MOB3C: variants seen among roughly 807,000 people sequenced by gnomAD.
MOB3C encodes MOB kinase activator 3C.
In MOB3C, 17 loss-of-function variants were observed where a neutral mutation model predicts 19.8. The observed-to-expected ratio is 0.86, with a 90% confidence interval of 0.59 to 1.29. The LOEUF is 1.29. Among genes scored for constraint, MOB3C ranks in the 50% most tolerant of loss-of-function variants. The pLI is 0.00. For missense variants in MOB3C, 291 were observed against 301.9 expected (o/e 0.96, Z 0.27); for synonymous variants, 101 against 119.2 (o/e 0.85, Z 0.99).
intron 1 of MOB3C, chr1:46,614,578 T>C: frequency 5.0e-6 from 1 of 200,486 alleles, no homozygotes; most frequent in Non-Finnish European, 1.0e-5. Flanking sequence ...TTCTGGTTCC[T>C]GGCTGACCTC....
chr1:46,615,170 T>C (rs1436177334), intron 1 of MOB3C: 2 of 953,246 alleles, frequency 2.1e-6, no homozygotes, highest in Non-Finnish European at 1.6e-6. Context: ...CCACATTGCA[T>C]GGCCCCCTTT....
Position 46,612,901 on chromosome 1 carries a change from C to T in MOB3C, c.418+3G>A. 2 of 1,544,294 alleles carry T rather than the reference C, an allele frequency of 1.3e-6. No homozygotes were observed. Among genetic ancestry groups the T allele is most frequent in the South Asian group, 2.5e-5 (2 of 79,726 alleles). ...GGCTCCCTCCCCGCCAGGTGACACT[C>T]ACCAACACGCGTGGGAAAGACCTCT... On this transcript the variant is annotated splice_donor_region_variant and intron_variant, in intron 2 of 3. Coordinates refer to ENST00000319928, the MANE Select transcript of MOB3C (RefSeq NM_201403.3).
At chr1:46,614,997 C>A in intron 1 of MOB3C, 1 of 1,612,504 alleles carries the variant, frequency 6.2e-7, no homozygotes, top group Non-Finnish European at 8.5e-7. Flanking sequence ...CTCATCCATC[C>A]CGACTCTTCG....
At position 46,613,171 on chromosome 1, in the gene MOB3C, G is replaced by A. The variant is rs776600787; in HGVS notation, c.151C>T (p.Pro51Ser). Reference sequence around the variant, plus strand: ...CAGTCGTCGATGTTCTCCCCGGGTGGTAGCCTCACCACACTGCGCAGGTCC... The same window carrying A: ...CAGTCGTCGATGTTCTCCCCGGGTGATAGCCTCACCACACTGCGCAGGTCC... ...GLDLRSVVRL[P>S]PGENIDDWIA... The change falls in exon 2 of 4, where the codon CCA becomes TCA. Residue 51 changes from proline to serine, a missense_variant. Pro to Ser is a moderately conservative substitution (Grantham distance 74, BLOSUM62 -1). Transcript: ENST00000319928. 4 of 1,614,150 alleles carry A rather than the reference G, an allele frequency of 2.5e-6. No homozygotes were observed. In the African/African-American group the frequency reaches 5.3e-5, roughly 22 times the overall value.
rs770285531 is a variant in MOB3C at position 46,615,081 on chromosome 1, C to T, written c.-51+1630G>A. The T allele has an allele frequency of 2.5e-6, 4 of 1,610,262 alleles. No individual in the cohort carries two copies. The South Asian group carries it at 3.3e-5, about 13-fold the overall frequency. ...AAAGAGATTTCTGCGCTTCATTTGC[C>T]ATCTCCATTTTAAACTCTGCTTGGG... is the stretch of plus-strand genomic sequence containing the variant. On this transcript the variant is annotated intron_variant, in intron 1 of 3. Transcript: ENST00000319928.
chr1:46,610,619 G>A (rs1675447892), intron 2 of MOB3C, among the ~76,000 whole-genome samples: 1 of 152,136 alleles, frequency 6.6e-6, no homozygotes. Flanking sequence ...CTGACCTCAG[G>A]TGATCCACCT....
rs745935936 is a variant in MOB3C, at chr1:46,610,134, G to C, written c.489C>G (p.Val163=). 6 of 1,614,216 alleles carry C rather than the reference G, an allele frequency of 3.7e-6. No homozygotes were observed. Among genetic ancestry groups the C allele is most frequent in the Middle Eastern group, 1.6e-4 (1 of 6,062 alleles). ...TATCGAAGTGGTGGATGTAGACATG[G>C]ACAAAGACTCGGAAGAGGCGGGTCA... ...KILTRLFRVF[V]HVYIHHFDSI... is the part of the protein sequence containing the mutation. Residue 163 remains valine, a synonymous_variant, in exon 3 of 4, where the codon GTC becomes GTG. Transcript: ENST00000319928.
rs867445391 is a variant in MOB3C, at chr1:46,613,086, G to A, written c.236C>T (p.Ala79Val). 1 of 1,614,204 alleles carries A rather than the reference G, an allele frequency of 6.2e-7. No individual in the cohort carries two copies. The highest frequency in any genetic ancestry group is 1.7e-5 in the Admixed American group (1 of 60,032). ...NRINLIYGTM[A>V]ERCSETSCPV... is the part of the protein sequence containing the mutation. The stretch of plus-strand genomic sequence containing the variant: ...GCAGCTGGTCTCACTGCAGCGCTCC[G>A]CCATAGTGCCGTAGATGAGGTTGAT... The change falls in exon 2 of 4, where the codon GCG (alanine) becomes GTG (valine). Residue 79 changes from alanine to valine, a missense_variant. Coordinates refer to ENST00000319928, the MANE Select transcript of MOB3C (RefSeq NM_201403.3).
chr1:46,612,992 G>A lies in MOB3C; in HGVS notation c.330C>T (p.Ala110=). The A allele has an allele frequency of 6.2e-7, 1 of 1,612,196 alleles. No homozygotes were observed. The highest frequency in any genetic ancestry group is 8.5e-7 in the Non-Finnish European group (1 of 1,178,816). The part of the protein sequence containing the change: ...WQDERQYRRP[A]KLSAPRYMAL... ...CCATATAGCGCGGCGCAGAGAGCTT[G>A]GCGGGCCGCCGGTACTGGCGCTCGT... The change falls in exon 2 of 4, where the codon GCC becomes GCT. Residue 110 remains alanine, a synonymous_variant. Transcript: ENST00000319928.
Position 46,608,380 on chromosome 1 carries a change from GA to G in MOB3C, c.*1274del, listed in dbSNP as rs1675404373. On this transcript the variant is annotated 3_prime_UTR_variant, in exon 4 of 4. Coordinates refer to ENST00000319928, the MANE Select transcript of MOB3C (RefSeq NM_201403.3). This position sits in a 1 kb window ranked among gnomAD's most constrained non-coding sequence, Gnocchi z 4.5. ...CCAGAGTGGAGGCTCTGGGAGGGCA[GA>G]ACCCTGTTCCTGCCTCAGTTTCCCC... is the stretch of plus-strand genomic sequence containing the variant. The G allele has an allele frequency of 6.6e-6, 1 of 152,424 alleles. No individual in the cohort carries two copies. The highest frequency in any genetic ancestry group is 2.4e-5 in the African/African-American group (1 of 41,456). The allele number at this position is 152,424 out of a possible 1,614,324, so 9.4% of individuals were successfully genotyped here.
At position 46,613,218 on chromosome 1, in the gene MOB3C, T is replaced by TA; in HGVS notation, c.103_104insT (p.Gln35LeufsTer50). ...GTCCAGGCCCGACTTGAGAGAGGCC[T>TA]GTGCCTTCTTGTACAGCTCAAAGCG... On this transcript the variant is annotated frameshift_variant, in exon 2 of 4. Transcript: ENST00000319928. LOFTEE classifies it high-confidence loss of function. 1 of 1,614,186 alleles carries TA rather than the reference T, an allele frequency of 6.2e-7. No individual in the cohort carries two copies. The highest frequency in any genetic ancestry group is 8.5e-7 in the Non-Finnish European group (1 of 1,180,020).
At position 46,609,308 on chromosome 1, in the gene MOB3C, G is replaced by A; in HGVS notation, c.*347C>T. On this transcript the variant is annotated 3_prime_UTR_variant, in exon 4 of 4. Coordinates refer to ENST00000319928, the MANE Select transcript of MOB3C (RefSeq NM_201403.3). ...CTGCTCACTTTCTTGCACCTTTCTTGCCATCACCTCGGCCACACCCACATT... is the reference window on the plus strand; with the variant it reads ...CTGCTCACTTTCTTGCACCTTTCTTACCATCACCTCGGCCACACCCACATT... 2.5e-6 allele frequency: 1 copy of A among 397,056 alleles called. No homozygotes were observed. The highest frequency in any genetic ancestry group is 4.7e-6 in the Non-Finnish European group (1 of 212,032). The allele number at this position is 397,056 out of a possible 1,614,324, so 24.6% of individuals were successfully genotyped here.
chr1:46,614,827 T>A, intron 1 of MOB3C: 1 of 602,860 alleles, frequency 1.7e-6, no homozygotes, highest in Non-Finnish European at 2.9e-6. Flanking sequence ...GAAGTCAAAC[T>A]AGCTGGGGAG....
intron 1 of MOB3C, chr1:46,615,283 T>A: frequency 1.8e-6 from 1 of 549,206 alleles, no homozygotes; most frequent in Non-Finnish European, 3.2e-6. Flanking sequence ...GGCTTCTTCC[T>A]GATTCCTGAA....
chr1:46,609,773 G>A, intron 3 of MOB3C, 89 bp from the exon 4 acceptor site: 2 of 1,544,244 alleles, frequency 1.3e-6, no homozygotes, highest in Non-Finnish European at 1.8e-6. Context: ...CTGCTCTTCT[G>A]TCTGAGCCTG....
In MOB3C at chr1:46,614,874, G is replaced by A. The variant is rs1034882378; in HGVS notation, c.-50-1503C>T. The A allele has an allele frequency of 1.3e-5, 12 of 916,696 alleles. No individual in the cohort carries two copies. In the Admixed American group the frequency reaches 2.7e-4, roughly 20 times the overall value. 56.8% of individuals were successfully genotyped at this position (916,696 alleles called of 1,614,324 possible). A position where few individuals can be genotyped will look rare whatever the true frequency, so the allele number is the denominator to read the frequency against. On this transcript the variant is annotated intron_variant, in intron 1 of 3. Coordinates refer to ENST00000319928, the MANE Select transcript of MOB3C (RefSeq NM_201403.3). ...AAAGGTCCTTCCTTGAACCCACAAA[G>A]GCAGGCCAGGATGGGGGCAGTCTGG...
At chr1:46,614,782 G>C in intron 1 of MOB3C, 1 of 552,636 alleles carries the variant, frequency 1.8e-6, no homozygotes, top group Non-Finnish European at 3.2e-6. Context: ...CAAAGGGATG[G>C]CACATATTTC....
At chr1:46,614,553 A>C (rs1675530244) in intron 1 of MOB3C, 3 of 184,344 alleles carry the variant, frequency 1.6e-5, no homozygotes, top group Middle Eastern at 2.3e-3. Flanking sequence ...GGCTGAGTAT[A>C]AGCTAAGAAT....
intron 1 of MOB3C, 104 bp from the exon 2 acceptor site, chr1:46,613,475 ACCTCTGCAT>A: frequency 9.0e-7 from 1 of 1,116,250 alleles, no homozygotes; most frequent in Non-Finnish European, 1.3e-6. Flanking sequence ...CCTTTGCTCA[ACCTCTGCAT>A]CCTCTGCCTG....
Sources: gnomAD v4.1 joint callset for allele counts (sites outside exome capture counted in the v4.1 genomes callset) on GRCh38, gnomAD v4.1.1 for gene constraint, Gnocchi (gnomAD v3.1) non-coding constraint, MANE v1.5 for transcripts, NCBI Gene and HGNC (gene_info 2026-07-23, HGNC 2026-07-21) for gene names.